Variants in FADS2 observed in about 807,000 individuals in gnomAD.
The protein encoded by FADS2 is fatty acid desaturase 2, also known as acyl-CoA 6-desaturase.
Under a neutral mutation model 61.2 loss-of-function variants are expected in FADS2, and 18 were observed. The ratio of observed to expected loss-of-function variants is 0.29; its 90% CI spans 0.20 to 0.44. The LOEUF (loss-of-function observed/expected upper bound fraction) is 0.44. Among genes scored for constraint, FADS2 ranks in the 20% least tolerant of loss-of-function variants. The pLI is 1.00. For synonymous variants in FADS2, 203 were observed against 223.9 expected (o/e 0.91, Z 0.83); for missense variants, 322 against 572.7 (o/e 0.56, Z 4.47).
intron 1 of FADS2, among the ~76,000 whole-genome samples, chr11:61,819,464 T>C (rs2067020640): frequency 6.6e-6 from 1 of 152,128 alleles, no homozygotes; most frequent in African/African-American, 2.4e-5. Flanking sequence ...GAGAATTGCT[T>C]GAATCCGGGA....
At chr11:61,850,867 G>A (rs1313122173) in intron 5 of FADS2, among the ~76,000 whole-genome samples, 1 of 152,134 alleles carries the variant, frequency 6.6e-6, no homozygotes, top group Non-Finnish European at 1.5e-5. Flanking sequence ...CAGCCTTGGC[G>A]CCTAAGGCTT....
chr11:61,835,397 CTT>C (rs529744700), intron 1 of FADS2, among the ~76,000 whole-genome samples: 14 of 139,342 alleles, frequency 1.0e-4, no homozygotes, highest in Non-Finnish European at 9.4e-5. Context: ...TCCCCCGACC[CTT>C]TTTTTTTTTT....
intron 2 of FADS2, among the ~76,000 whole-genome samples, chr11:61,839,329 CT>C (rs146095094): frequency 5.3e-4 from 77 of 146,502 alleles, no homozygotes; most frequent in Middle Eastern, 3.6e-3. Context: ...TTCTTTCTTT[CT>C]TTTTTTTTTT....
chr11:61,828,192 C>T, upstream of FADS2: 1 of 1,417,700 alleles, frequency 7.1e-7, no homozygotes, highest in Non-Finnish European at 9.2e-7. This position sits in a 1 kb window ranked among gnomAD's most constrained non-coding sequence, Gnocchi z 6.4. Flanking sequence ...CAGGGATCCT[C>T]CGCCAGGAAG....
intron 1 of FADS2, among the ~76,000 whole-genome samples, chr11:61,833,500 G>C (rs942203499): frequency 5.3e-5 from 8 of 152,262 alleles, no homozygotes; most frequent in Non-Finnish European, 1.2e-4. Context: ...TGTATGAACA[G>C]CGGGCAATGC....
chr11:61,848,007 A>G (rs2067274516), intron 4 of FADS2, 152 bp from the exon 5 acceptor site: 2 of 819,734 alleles, frequency 2.4e-6, no homozygotes, highest in Non-Finnish European at 3.9e-6. Context: ...GAGCTCAGTC[A>G]TGGCAGGGCT....
upstream of FADS2, among the ~76,000 whole-genome samples, chr11:61,824,373 C>G (rs1391869608): frequency 4.5e-5 from 6 of 133,842 alleles, no homozygotes; most frequent in Non-Finnish European, 9.4e-5. Context: ...TAGAGTGAGA[C>G]TCCATCTTGG....
chr11:61,851,287 A>G (rs995637941), intron 5 of FADS2, among the ~76,000 whole-genome samples: 1 of 152,194 alleles, frequency 6.6e-6, no homozygotes, highest in African/African-American at 2.4e-5. Flanking sequence ...CACTGGCAAG[A>G]AGGCGTCTTT....
At chr11:61,817,349 C>T (rs2066996857) in intron 1 of FADS2, among the ~76,000 whole-genome samples, 1 of 152,186 alleles carries the variant, frequency 6.6e-6, no homozygotes, top group African/African-American at 2.4e-5. Context: ...CACGTCGTGC[C>T]GCCAATTGTG....
intron 5 of FADS2, 147 bp from the exon 6 acceptor site, chr11:61,856,864 G>C: frequency 2.8e-6 from 2 of 710,006 alleles, no homozygotes; most frequent in Non-Finnish European, 5.0e-6. Context: ...CCCCAGGCTT[G>C]GTGGGCCCAG....
upstream of FADS2, chr11:61,827,456 G>A (rs930463139): frequency 2.0e-5 from 3 of 152,178 alleles, no homozygotes; most frequent in Non-Finnish European, 4.4e-5. The surrounding 1 kb of genome is among the most constrained non-coding windows in gnomAD (Gnocchi z 4.5). Flanking sequence ...TTCTAAGATT[G>A]TCTGACTAGA....
upstream of FADS2, among the ~76,000 whole-genome samples, chr11:61,824,396 G>GAA (rs2067054362): frequency 3.0e-4 from 1 of 3,288 alleles, no homozygotes; most frequent in African/African-American, 1.2e-3. Context: ...GAAAAAAAAA[G>GAA]AGAGAGAGAG....
At chr11:61,854,789 G>T (rs1323679521) in intron 5 of FADS2, 2 of 152,286 alleles carry the variant, frequency 1.3e-5, no homozygotes, top group Non-Finnish European at 2.9e-5. Context: ...TGCAGCTGAG[G>T]CCATCGAGAT....
chr11:61,865,025 A>C lies in FADS2; in HGVS notation c.1158-127A>C. ...GGCACACACGAGGAGCCACACTTTG[A>C]GACTGGTCCTGGCTGTGGACAGGGT... On this transcript the variant is annotated intron_variant, in intron 10 of 11. Transcript: ENST00000278840. This position sits in a 1 kb window ranked among gnomAD's most constrained non-coding sequence, Gnocchi z 4.1. 8.7e-7 allele frequency: 1 copy of C among 1,146,468 alleles called. No individual in the cohort carries two copies. The highest frequency in any genetic ancestry group is 2.4e-5 in the East Asian group (1 of 41,416). 71.0% of individuals were successfully genotyped at this position (1,146,468 alleles called of 1,614,324 possible).
chr11:61,862,837 T>C, intron 7 of FADS2, 135 bp from the exon 8 acceptor site: 1 of 704,526 alleles, frequency 1.4e-6, no homozygotes, highest in Non-Finnish European at 2.5e-6. Flanking sequence ...GGCGTGTAGT[T>C]GCCCATTGCA....
intron 1 of FADS2, chr11:61,817,155 A>T: frequency 1.5e-5 from 3 of 195,412 alleles, no homozygotes; most frequent in Non-Finnish European, 1.8e-5. Flanking sequence ...GCGCTGCAGG[A>T]GTGAATGGAC....
chr11:61,839,102 C>T (rs1418716186), intron 2 of FADS2, among the ~76,000 whole-genome samples: 1 of 152,078 alleles, frequency 6.6e-6, no homozygotes, highest in Non-Finnish European at 1.5e-5. Flanking sequence ...CCTTCTTCCT[C>T]GCAATGCCAT....
At chr11:61,831,199 C>G (rs1377071964) in intron 1 of FADS2, among the ~76,000 whole-genome samples, 1 of 152,152 alleles carries the variant, frequency 6.6e-6, no homozygotes, top group Non-Finnish European at 1.5e-5. Context: ...GAAGCAGGAA[C>G]AGGCTACTGA....
rs201836059 is a variant in FADS2, at chr11:61,857,448, C to T, written c.806-6C>T. ...ATGCCTCTAAGCGCCTGTCTCTCTC[C>T]TGCAGTTGGGCCGCCGCTGCTCATC... is the stretch of plus-strand genomic sequence containing the variant. On this transcript the variant is annotated splice_region_variant and splice_polypyrimidine_tract_variant and intron_variant, in intron 6 of 11. Transcript: ENST00000278840. The T allele has an allele frequency of 1.4e-5, 23 of 1,613,650 alleles. No homozygotes were observed. The African/African-American group carries it at 2.9e-4, about 21-fold the overall frequency.
Sources: gnomAD v4.1 joint callset for allele counts (sites outside exome capture counted in the v4.1 genomes callset) on GRCh38, gnomAD v4.1.1 for gene constraint, Gnocchi (gnomAD v3.1) non-coding constraint, MANE v1.5 for transcripts, NCBI Gene and HGNC (gene_info 2026-07-23, HGNC 2026-07-21) for gene names.